Variants in SNX16 observed in about 807,000 individuals in gnomAD.
SNX16 encodes sorting nexin-16.
In SNX16, 35 loss-of-function variants were observed where a neutral mutation model predicts 36.7. The ratio of observed to expected loss-of-function variants is 0.95; its 90% CI spans 0.73 to 1.27. The LOEUF is 1.27. Ranked by LOEUF, SNX16 falls within the 50% of genes most tolerant of loss-of-function variation. The probability of loss-of-function intolerance (pLI) is 0.00; values close to 1 mark genes in which losing one functional copy is unlikely to be tolerated. For missense variants in SNX16, 367 were observed against 393.6 expected (o/e 0.93, Z 0.57); for synonymous variants, 134 against 132.0 (o/e 1.02, Z -0.10).
chr8:81,827,138 T>TTGGAGGA, intron 3 of SNX16, among the ~76,000 whole-genome samples: 1 of 152,292 alleles, frequency 6.6e-6, no homozygotes, highest in South Asian at 2.1e-4. Flanking sequence ...AATGCCCATC[T>TTGGAGGA]TGGAGGATCA....
At chr8:81,839,571 C>T in intron 2 of SNX16, 41 bp downstream of exon 2, 2 of 1,531,384 alleles carry the variant, frequency 1.3e-6, no homozygotes, top group Non-Finnish European at 1.8e-6. Context: ...ATTAGCCAAT[C>T]TTTCACTTTG....
intron 2 of SNX16, among the ~76,000 whole-genome samples, chr8:81,830,866 T>C (rs112070545): frequency 6.6e-5 from 10 of 152,278 alleles, no homozygotes; most frequent in African/African-American, 2.4e-4. Context: ...CTTCAAATTA[T>C]ATTACAAGCC....
chr8:81,807,385 G>A (rs1257158119), intron 5 of SNX16, among the ~76,000 whole-genome samples: 4 of 151,596 alleles, frequency 2.6e-5, no homozygotes, highest in Non-Finnish European at 5.9e-5. Flanking sequence ...TGGATGTGGT[G>A]GTGCGTGCCT....
chr8:81,842,124 C>T lies in SNX16; in HGVS notation c.-99G>A, dbSNP rs1351479742. On this transcript the variant is annotated splice_region_variant and 5_prime_UTR_variant, in exon 1 of 8. Coordinates refer to ENST00000345957, the MANE Select transcript of SNX16 (RefSeq NM_152836.3). ...TGAGGTAATGACCCAGTCTTTACCT[C>T]AGCCCCCTCGGCGATCCCGAACGAG... 1 of 151,450 alleles carries T rather than the reference C, an allele frequency of 6.6e-6. No homozygotes were observed. Among genetic ancestry groups the T allele is most frequent in the African/African-American group, 2.4e-5 (1 of 41,210 alleles). The allele number at this position is 151,450 out of a possible 1,614,324, so 9.4% of individuals were successfully genotyped here. A position where few individuals can be genotyped will look rare whatever the true frequency, so the allele number is the denominator to read the frequency against.
intron 1 of SNX16, 164 bp from the exon 2 acceptor site, chr8:81,840,246 A>G: frequency 3.0e-6 from 1 of 331,718 alleles, no homozygotes; most frequent in East Asian, 5.1e-5. Context: ...TTTGCAAGAT[A>G]GAGAGAGCAA....
chr8:81,822,609 C>CA (rs1193837440), intron 4 of SNX16, among the ~76,000 whole-genome samples: 1 of 151,846 alleles, frequency 6.6e-6, no homozygotes, highest in Non-Finnish European at 1.5e-5. Flanking sequence ...GAGAAGTAGA[C>CA]AGACTTGAGT....
At chr8:81,810,085 G>A (rs1467748889) in intron 5 of SNX16, among the ~76,000 whole-genome samples, 2 of 151,974 alleles carry the variant, frequency 1.3e-5, no homozygotes, top group South Asian at 2.1e-4. Context: ...TAAGAATTCT[G>A]CTTTAATTGT....
intron 7 of SNX16, 149 bp from the exon 8 acceptor site, chr8:81,801,742 A>G: frequency 2.1e-6 from 1 of 467,906 alleles, no homozygotes; most frequent in Non-Finnish European, 3.7e-6. Flanking sequence ...GTATTTAAAC[A>G]TTCAATCAGA....
At chr8:81,820,514 T>A (rs1240616293) in intron 4 of SNX16, among the ~76,000 whole-genome samples, 3 of 152,090 alleles carry the variant, frequency 2.0e-5, no homozygotes, top group Non-Finnish European at 4.4e-5. Flanking sequence ...TCTCAAAAAA[T>A]GTAGGAAAGT....
At chr8:81,814,331 A>G (rs1404106897) in intron 5 of SNX16, among the ~76,000 whole-genome samples, 8 of 152,078 alleles carry the variant, frequency 5.3e-5, no homozygotes, top group African/African-American at 1.7e-4. Flanking sequence ...TATATTATAT[A>G]TTAGGCAGAC....
At chr8:81,832,719 A>C (rs1172683463) in intron 2 of SNX16, among the ~76,000 whole-genome samples, 1 of 151,688 alleles carries the variant, frequency 6.6e-6, no homozygotes, top group African/African-American at 2.4e-5. Context: ...GAAAAAGTGG[A>C]TTCTATTTTT....
intron 3 of SNX16, among the ~76,000 whole-genome samples, chr8:81,826,049 C>A (rs1811003957): frequency 6.7e-6 from 1 of 149,822 alleles, no homozygotes; most frequent in African/African-American, 2.5e-5. Flanking sequence ...AAAAATTGTC[C>A]ACAGAAAAGA....
At chr8:81,805,938 A>T (rs1321821020) in intron 5 of SNX16, among the ~76,000 whole-genome samples, 1 of 152,160 alleles carries the variant, frequency 6.6e-6, no homozygotes, top group African/African-American at 2.4e-5. Flanking sequence ...AAGAAAAAAA[A>T]ATGTATTTTA....
intron 5 of SNX16, among the ~76,000 whole-genome samples, chr8:81,809,956 T>C (rs1810157892): frequency 1.3e-5 from 2 of 152,166 alleles, no homozygotes; most frequent in Admixed American, 6.5e-5. Context: ...TATATTGATA[T>C]AAATTTCCTT....
intron 2 of SNX16, among the ~76,000 whole-genome samples, chr8:81,835,388 C>T (rs970662050): frequency 6.6e-6 from 1 of 152,182 alleles, no homozygotes; most frequent in Non-Finnish European, 1.5e-5. Flanking sequence ...ACATTGGGTT[C>T]CTTATTACTT....
chr8:81,802,044 G>A (rs1007576071), intron 7 of SNX16, among the ~76,000 whole-genome samples: 4 of 151,420 alleles, frequency 2.6e-5, no homozygotes, highest in African/African-American at 9.7e-5. Context: ...TTTTTCAATG[G>A]AAAAAGGGTG....
chr8:81,841,815 C>T (rs937552007), intron 1 of SNX16: 2 of 152,212 alleles, frequency 1.3e-5, no homozygotes, highest in African/African-American at 4.8e-5. Flanking sequence ...ATACCAGGCA[C>T]AGTTCGACCC....
intron 5 of SNX16, chr8:81,807,953 C>T: frequency 1.3e-6 from 1 of 786,042 alleles, no homozygotes; most frequent in Non-Finnish European, 2.3e-6. Flanking sequence ...GGGTTTGTCA[C>T]ATATGCCACT....
At chr8:81,809,851 T>A (rs189122142) in intron 5 of SNX16, among the ~76,000 whole-genome samples, 2 of 152,222 alleles carry the variant, frequency 1.3e-5, no homozygotes, top group East Asian at 3.8e-4. Context: ...AACCTTGGGT[T>A]TCTTCCAAGA....
Sources: gnomAD v4.1 joint callset for allele counts (sites outside exome capture counted in the v4.1 genomes callset) on GRCh38, gnomAD v4.1.1 for gene constraint, MANE v1.5 for transcripts, NCBI Gene and HGNC (gene_info 2026-07-23, HGNC 2026-07-21) for gene names.